OSBPL8: variants seen among roughly 807,000 people sequenced by gnomAD.
The protein encoded by OSBPL8 is oxysterol binding protein like 8, also known as oxysterol-binding protein-related protein 8.
In OSBPL8, 59 loss-of-function variants were observed where a neutral mutation model predicts 125.5. The ratio of observed to expected loss-of-function variants is 0.47; its 90% CI spans 0.38 to 0.58. The LOEUF is 0.58. OSBPL8 is among the 20% of genes least tolerant of loss of function. OSBPL8 has a pLI of 0.00. For synonymous variants in OSBPL8, 330 were observed against 338.9 expected, an observed-to-expected ratio of 0.97 and a Z score of 0.29; for missense variants, 758 against 1,047.8, an observed-to-expected ratio of 0.72 and a Z score of 3.82.
intron 18 of OSBPL8, 48 bp from the exon 19 acceptor site, chr12:76,371,632 G>A (rs1269669617): frequency 2.8e-6 from 4 of 1,452,508 alleles, no homozygotes. Context: ...ATACTTAGAA[G>A]GCAATTATAT....
chr12:76,526,635 C>CTTTTTTTTTTTTTTTTTTTTTTT, intron 1 of OSBPL8, among the ~76,000 whole-genome samples: 1 of 64,246 alleles, frequency 1.6e-5, no homozygotes, highest in Non-Finnish European at 2.9e-5. Flanking sequence ...CAGTAAATCT[C>CTTTTTTTTTTTTTTTTTTTTTTT]TTTTTTTTTT....
At position 76,386,260 on chromosome 12, in the gene OSBPL8, T is replaced by A; in HGVS notation, c.1441A>T (p.Lys481Ter). The A allele has an allele frequency of 6.4e-7, 1 of 1,569,066 alleles. No individual in the cohort carries two copies. Among genetic ancestry groups the A allele is most frequent in the Non-Finnish European group, 8.6e-7 (1 of 1,165,310 alleles). Reference protein sequence around the residue: ...SGFYKKPKGLKKPYNPILGET... With the variant: ...SGFYKKPKGL Reference sequence around the variant, plus strand: ...CCAAGTATAGGATTATAAGGTTTCTTCAGTCCCTGGTAAAAAAAAAAAAAA... The same window carrying A: ...CCAAGTATAGGATTATAAGGTTTCTACAGTCCCTGGTAAAAAAAAAAAAAA... The change falls in exon 14 of 24, where the codon AAG (lysine) becomes TAG (stop). Residue 481 changes from lysine (K) to a stop codon, truncating the protein, a stop_gained. Transcript: ENST00000261183. LOFTEE classifies it high-confidence loss of function.
chr12:76,365,159 T>C (rs1952368920), intron 21 of OSBPL8, among the ~76,000 whole-genome samples: 1 of 152,098 alleles, frequency 6.6e-6, no homozygotes, highest in East Asian at 1.9e-4. Context: ...TTTTGCCATG[T>C]TGTCCAGTCT....
intron 12 of OSBPL8, 57 bp from the exon 13 acceptor site, chr12:76,386,717 A>C: frequency 1.2e-5 from 14 of 1,196,334 alleles, no homozygotes; most frequent in Non-Finnish European, 1.5e-5. Flanking sequence ...ATTCTCTCTC[A>C]CATTTATTAA....
intron 15 of OSBPL8, among the ~76,000 whole-genome samples, chr12:76,383,879 G>A (rs1953169758): frequency 6.6e-6 from 1 of 151,982 alleles, no homozygotes. Context: ...GCCAGGTATC[G>A]TAACCATACT....
intron 4 of OSBPL8, among the ~76,000 whole-genome samples, chr12:76,436,149 G>A (rs533040305): frequency 6.6e-6 from 1 of 152,066 alleles, no homozygotes; most frequent in African/African-American, 2.4e-5. Flanking sequence ...CCTAGCTGAT[G>A]TTTATATATT....
chr12:76,384,787 C>A (rs1031210794), intron 14 of OSBPL8, among the ~76,000 whole-genome samples: 1 of 152,130 alleles, frequency 6.6e-6, no homozygotes, highest in East Asian at 1.9e-4. Context: ...TGAACCTGGA[C>A]GTGAATCTTC....
intron 1 of OSBPL8, among the ~76,000 whole-genome samples, chr12:76,518,553 C>T (rs1319340327): frequency 1.1e-4 from 16 of 152,214 alleles, no homozygotes; most frequent in Admixed American, 1.0e-3. Flanking sequence ...GAACTCCAAC[C>T]CCACATTTCC....
intron 1 of OSBPL8, among the ~76,000 whole-genome samples, chr12:76,522,806 G>A (rs1156760821): frequency 1.3e-5 from 2 of 152,072 alleles, no homozygotes; most frequent in Non-Finnish European, 2.9e-5. Flanking sequence ...AAATAGACAA[G>A]GTCCTAAGCC....
intron 6 of OSBPL8, among the ~76,000 whole-genome samples, chr12:76,402,052 A>G (rs1035660350): frequency 7.9e-5 from 12 of 152,162 alleles, no homozygotes; most frequent in African/African-American, 2.9e-4. Context: ...ATACCCTCAA[A>G]ACTTTAGATT....
chr12:76,426,044 A>G (rs1870112338), intron 4 of OSBPL8, among the ~76,000 whole-genome samples: 1 of 152,168 alleles, frequency 6.6e-6, no homozygotes, highest in Non-Finnish European at 1.5e-5. Flanking sequence ...CAATGGCCTG[A>G]GGCTGTCTCT....
rs551823903 is a variant in OSBPL8, at chr12:76,488,052, A to G, written c.-67-434T>C. 7.2e-5 allele frequency among the ~76,000 whole-genome samples: 11 copies of G among 152,348 alleles called. No individual in the cohort carries two copies. In the South Asian group the frequency reaches 2.3e-3, roughly 32 times the overall value. On this transcript the variant is annotated intron_variant, in intron 1 of 23. Coordinates refer to ENST00000261183, the MANE Select transcript of OSBPL8 (RefSeq NM_020841.5). ...TTTTGAAGGACAATTAAAAATATGTATGTTTTAATCCAGCAATTTCAAGAC... is the reference window on the plus strand; with the variant it reads ...TTTTGAAGGACAATTAAAAATATGTGTGTTTTAATCCAGCAATTTCAAGAC...
intron 1 of OSBPL8, among the ~76,000 whole-genome samples, chr12:76,527,955 ACTGT>A (rs1434290066): frequency 1.3e-5 from 2 of 152,180 alleles, no homozygotes; most frequent in Non-Finnish European, 2.9e-5. Flanking sequence ...TTGTCTTCCA[ACTGT>A]CTGTTTATCC....
intron 1 of OSBPL8, among the ~76,000 whole-genome samples, chr12:76,490,755 T>C (rs992080245): frequency 1.3e-5 from 2 of 152,204 alleles, no homozygotes; most frequent in African/African-American, 4.8e-5. Flanking sequence ...AAGGCAGCCA[T>C]CTCATGCAAA....
intron 4 of OSBPL8, among the ~76,000 whole-genome samples, chr12:76,435,198 A>ATG (rs1400216375): frequency 2.4e-4 from 36 of 151,692 alleles, no homozygotes; most frequent in African/African-American, 8.0e-4. Context: ...ATATATACAT[A>ATG]AATAGAATAT....
At chr12:76,386,746 A>G in intron 12 of OSBPL8, 86 bp from the exon 13 acceptor site, 1 of 865,830 alleles carries the variant, frequency 1.2e-6, no homozygotes, top group South Asian at 1.8e-5. Context: ...CGAGTATGAA[A>G]CATGATTGGA....
chr12:76,404,317 CAATGTTTAT>C (rs1270244051), intron 5 of OSBPL8, among the ~76,000 whole-genome samples: 1 of 152,072 alleles, frequency 6.6e-6, no homozygotes, highest in Non-Finnish European at 1.5e-5. Context: ...CTTAATAGGA[CAATGTTTAT>C]AGTAGTGTAC....
intron 2 of OSBPL8, among the ~76,000 whole-genome samples, chr12:76,466,875 G>A (rs906439078): frequency 5.3e-5 from 8 of 151,696 alleles, no homozygotes; most frequent in East Asian, 3.9e-4. Context: ...CAGGAGAATC[G>A]CTTGAACCCG....
intron 1 of OSBPL8, among the ~76,000 whole-genome samples, chr12:76,514,345 G>C (rs1282540111): frequency 6.6e-6 from 1 of 151,634 alleles, no homozygotes; most frequent in African/African-American, 2.4e-5. Context: ...GTAGAGACAG[G>C]TTTCACCATA....
Sources: gnomAD v4.1 joint callset for allele counts (sites outside exome capture counted in the v4.1 genomes callset) on GRCh38, gnomAD v4.1.1 for gene constraint, MANE v1.5 for transcripts, NCBI Gene and HGNC (gene_info 2026-07-23, HGNC 2026-07-21) for gene names.